The following PCDHA8 variants were observed in gnomAD, a reference collection of about 807,000 sequenced individuals.
PCDHA8 encodes the protein protocadherin alpha-8.
A neutral mutation model predicts 61.8 loss-of-function variants in PCDHA8; 53 were observed. That is an observed-to-expected ratio of 0.86 (90% confidence interval 0.69 to 1.08). The LOEUF is 1.08. Ranked by LOEUF, PCDHA8 falls within the 50% of genes least tolerant of loss-of-function variation. PCDHA8 has a pLI of 0.00. For missense variants in PCDHA8, 1,293 were observed against 1,245.0 expected (o/e 1.04, Z -0.58); for synonymous variants, 618 against 556.6 (o/e 1.11, Z -1.55).
At chr5:140,937,890 C>G (rs1209951664) in intron 1 of PCDHA8, among the ~76,000 whole-genome samples, 1 of 145,964 alleles carries the variant, frequency 6.9e-6, no homozygotes, top group Non-Finnish European at 1.5e-5. Flanking sequence ...CCAGCCTGGG[C>G]GACAGAGTGA....
chr5:140,923,189 C>T (rs1452451112), intron 1 of PCDHA8, among the ~76,000 whole-genome samples: 4 of 152,092 alleles, frequency 2.6e-5, no homozygotes, highest in Admixed American at 6.5e-5. Context: ...GCATCTACTG[C>T]AGCAATTTGG....
chr5:140,869,939 A>T (rs377186222), intron 1 of PCDHA8: 5 of 1,612,014 alleles, frequency 3.1e-6, no homozygotes, highest in Non-Finnish European at 4.2e-6. Flanking sequence ...GAGGTAACAT[A>T]CTCCTTAATG....
At chr5:140,990,354 G>GA (rs1554251439) in intron 3 of PCDHA8, among the ~76,000 whole-genome samples, 1 of 152,158 alleles carries the variant, frequency 6.6e-6, no homozygotes, top group Non-Finnish European at 1.5e-5. Context: ...GCCCTGTACA[G>GA]AAAATCTAAT....
Position 141,000,581 on chromosome 5 carries a change from C to G in PCDHA8, c.2543-9046C>G, listed in dbSNP as rs960660351. On this transcript the variant is annotated intron_variant, in intron 3 of 3. Transcript: ENST00000531613. ...TAGCTGGGATTACAGGTGCCTGCCA[C>G]CATGCCCAGCTAATTTTTGTATTTT... is the stretch of plus-strand genomic sequence containing the variant. 2.0e-5 allele frequency among the ~76,000 whole-genome samples: 3 copies of G among 150,722 alleles called. No individual in the cohort carries two copies. In the East Asian group the frequency reaches 5.8e-4, roughly 29 times the overall value.
chr5:141,009,576 T>C (rs2098411921), intron 3 of PCDHA8, 51 bp from the exon 4 acceptor site: 1 of 1,583,566 alleles, frequency 6.3e-7, no homozygotes. Flanking sequence ...CAGTGTGGCA[T>C]CAAGAGCATG....
chr5:140,843,234 A>G lies in PCDHA8; in HGVS notation c.1913A>G (p.Asp638Gly). The part of the protein sequence containing the change: ...TGEISTTRVL[D>G]EADSPRHRLL... Reference sequence around the variant, plus strand: ...GAGATCAGCACCACTCGTGTCCTGGACGAAGCGGACTCTCCGCGCCACCGT... The same window carrying G: ...GAGATCAGCACCACTCGTGTCCTGGGCGAAGCGGACTCTCCGCGCCACCGT... The change falls in exon 1 of 4, where the codon GAC (aspartate) becomes GGC (glycine). Residue 638 changes from aspartate to glycine, a missense_variant. By Grantham distance (94) the Asp-to-Gly change is moderately conservative. Coordinates refer to ENST00000531613, the MANE Select transcript of PCDHA8 (RefSeq NM_018911.3). The G allele has an allele frequency of 1.3e-6, 2 of 1,595,886 alleles. No homozygotes were observed. The highest frequency in any genetic ancestry group is 1.3e-5 in the African/African-American group (1 of 74,520).
chr5:140,872,560 A>G (rs944323027), intron 1 of PCDHA8, among the ~76,000 whole-genome samples: 1 of 152,156 alleles, frequency 6.6e-6, no homozygotes, highest in African/African-American at 2.4e-5. Context: ...CCAGGGGTTC[A>G]GGGCTGCAGT....
At chr5:140,915,686 A>G (rs1440972076) in intron 1 of PCDHA8, among the ~76,000 whole-genome samples, 2 of 150,988 alleles carry the variant, frequency 1.3e-5, no homozygotes, top group African/African-American at 2.4e-5. Flanking sequence ...AACTAGGGGT[A>G]TGGTGATGCA....
chr5:140,927,682 T>C, intron 1 of PCDHA8: 1 of 1,613,992 alleles, frequency 6.2e-7, no homozygotes, highest in Non-Finnish European at 8.5e-7. Flanking sequence ...AGATGAAGGG[T>C]CCAATGGGGA....
At position 140,978,454 on chromosome 5, in the gene PCDHA8, C is replaced by T. The variant is rs980177257; in HGVS notation, c.2395-495C>T. Among the ~76,000 whole-genome samples, 5 of 152,314 alleles carry T rather than the reference C, an allele frequency of 3.3e-5. No individual in the cohort carries two copies. The South Asian group carries it at 8.3e-4, about 25-fold the overall frequency. ...TGCTGGTGTTATGACTGGGCACATC[C>T]GCCCTGGGTCAAATATGCTGCAGTC... On this transcript the variant is annotated intron_variant, in intron 1 of 3. Coordinates refer to ENST00000531613, the MANE Select transcript of PCDHA8 (RefSeq NM_018911.3).
At chr5:140,881,988 C>A in intron 1 of PCDHA8, 1 of 434,968 alleles carries the variant, frequency 2.3e-6, no homozygotes, top group Non-Finnish European at 4.0e-6. Flanking sequence ...GTGAAAATGT[C>A]AGGAAATGCA....
chr5:140,871,082 C>T, intron 1 of PCDHA8: 1 of 1,613,246 alleles, frequency 6.2e-7, no homozygotes, highest in Non-Finnish European at 8.5e-7. Context: ...GCGCTGACGG[C>T]CACGGCCACC....
intron 1 of PCDHA8, chr5:140,927,237 G>A (rs1554204217): frequency 1.2e-6 from 2 of 1,614,110 alleles, no homozygotes; most frequent in Admixed American, 1.7e-5. Flanking sequence ...TTCACGTCCT[G>A]GACACCAATG....
chr5:140,927,942 T>C, intron 1 of PCDHA8: 1 of 1,614,226 alleles, frequency 6.2e-7, no homozygotes, highest in Non-Finnish European at 8.5e-7. Flanking sequence ...ACCCAGTACC[T>C]GAGGACGCTG....
chr5:140,985,841 G>A (rs2097174040), intron 3 of PCDHA8, among the ~76,000 whole-genome samples: 1 of 145,238 alleles, frequency 6.9e-6, no homozygotes, highest in Admixed American at 7.3e-5. Context: ...CCGGGTTCAT[G>A]CCACTCTCCT....
intron 3 of PCDHA8, among the ~76,000 whole-genome samples, chr5:140,998,895 A>G (rs545479952): frequency 1.3e-4 from 20 of 152,354 alleles, no homozygotes; most frequent in Non-Finnish European, 1.8e-4. Flanking sequence ...ATAAATAACA[A>G]TGCCTCCGGG....
intron 1 of PCDHA8, among the ~76,000 whole-genome samples, chr5:140,846,701 G>A (rs1554141463): frequency 1.3e-5 from 2 of 149,318 alleles, no homozygotes; most frequent in South Asian, 2.1e-4. Flanking sequence ...AAGTAGAGAA[G>A]ATTGTAATAA....
intron 1 of PCDHA8, chr5:140,859,356 A>C (rs1159666697): frequency 7.9e-6 from 2 of 251,624 alleles, no homozygotes; most frequent in Admixed American, 9.1e-5. Flanking sequence ...TACTGATCTG[A>C]TATATTGTAT....
chr5:140,957,063 C>T (rs2095330338), intron 1 of PCDHA8, among the ~76,000 whole-genome samples: 2 of 152,058 alleles, frequency 1.3e-5, no homozygotes, highest in African/African-American at 4.8e-5. Flanking sequence ...ATAAATGTGA[C>T]TGAGGGCTTT....
Sources: gnomAD v4.1 joint callset for allele counts (sites outside exome capture counted in the v4.1 genomes callset) on GRCh38, gnomAD v4.1.1 for gene constraint, MANE v1.5 for transcripts, NCBI Gene and HGNC (gene_info 2026-07-23, HGNC 2026-07-21) for gene names.